Variants in ARSG observed in about 807,000 individuals in gnomAD.
The protein encoded by ARSG is arylsulfatase G.
ARSG carries 37 observed loss-of-function variants against 50.5 expected under a neutral mutation model. That is an observed-to-expected ratio of 0.73 (90% confidence interval 0.56 to 0.96). The LOEUF (loss-of-function observed/expected upper bound fraction) is 0.96. Ranked by LOEUF, ARSG falls within the 50% of genes least tolerant of loss-of-function variation. ARSG has a pLI of 0.00. For missense variants in ARSG, 629 were observed against 675.3 expected (o/e 0.93, Z 0.76); for synonymous variants, 225 against 254.6 (o/e 0.88, Z 1.11).
intron 2 of ARSG, among the ~76,000 whole-genome samples, chr17:68,311,419 A>G (rs1194888227): frequency 1.3e-5 from 2 of 152,034 alleles, no homozygotes; most frequent in Non-Finnish European, 2.9e-5. Flanking sequence ...TCATCTGACC[A>G]CTACATTGGG....
At chr17:68,435,814 A>G in the ARSG span, 15 of 1,058,084 alleles carry the variant, frequency 1.4e-5, no homozygotes, top group African/African-American at 3.1e-5. Flanking sequence ...TCCTTTGTCC[A>G]GCTCCCTGTC....
At position 68,271,394 on chromosome 17, in the gene ARSG, T is replaced by C. The variant is rs1555748663; in HGVS notation, c.-552+11968T>C. 2 of 1,614,254 alleles carry C rather than the reference T, an allele frequency of 1.2e-6. No individual in the cohort carries two copies. The highest frequency in any genetic ancestry group is 3.3e-5 in the Admixed American group (2 of 60,030). ...TCGGCCTTCGGCTCCAGTTCCAGGT[T>C]AGTGTGAGTAGGCACATTTTTAGGT... On this transcript the variant is annotated intron_variant, in intron 1 of 11. Coordinates refer to the ARSG transcript ENST00000448504. This position sits in a 1 kb window ranked among gnomAD's most constrained non-coding sequence, Gnocchi z 5.3.
At chr17:68,450,171 A>C in the ARSG span, among the ~76,000 whole-genome samples, 3 of 151,958 alleles carry the variant, frequency 2.0e-5, no homozygotes, top group African/African-American at 7.3e-5. Flanking sequence ...TACAAAAAAA[A>C]CAAAAAGTCT....
chr17:68,433,419 C>T, the ARSG span: 3 of 1,514,014 alleles, frequency 2.0e-6, no homozygotes, highest in East Asian at 2.3e-5. Context: ...AGAGCCTAGG[C>T]CTGACTCCTT....
downstream of ARSG, among the ~76,000 whole-genome samples, chr17:68,424,217 T>C (rs1309003753): frequency 2.0e-5 from 3 of 152,188 alleles, no homozygotes; most frequent in Non-Finnish European, 4.4e-5. Flanking sequence ...GCCACTGAGA[T>C]ATAAACTTCA....
intron 8 of ARSG, among the ~76,000 whole-genome samples, chr17:68,377,347 CA>C (rs1251078338): frequency 6.6e-6 from 1 of 152,254 alleles, no homozygotes; most frequent in Non-Finnish European, 1.5e-5. Flanking sequence ...ACTCCTCAGC[CA>C]CCTGGAAAAT....
the ARSG span, chr17:68,428,424 G>T: frequency 4.5e-5 from 8 of 179,658 alleles, no homozygotes; most frequent in East Asian, 1.3e-3. Flanking sequence ...GTATAGATGG[G>T]GTTTCACCAT....
At position 68,367,299 on chromosome 17, in the gene ARSG, AG is replaced by A. The variant is rs1386009084; in HGVS notation, c.705-1243del. On this transcript the variant is annotated intron_variant, in intron 6 of 11. Transcript: ENST00000621439. This position sits in a 1 kb window ranked among gnomAD's most constrained non-coding sequence, Gnocchi z 4.5. The stretch of plus-strand genomic sequence containing the variant: ...CGGCAGACCCTGGGAGCCAGGGTGC[AG>A]GGGGGATTTGAGGGCACAGTTGGCT... Among the ~76,000 whole-genome samples the A allele has an allele frequency of 6.6e-6, 1 of 152,174 alleles. No individual in the cohort carries two copies. Among genetic ancestry groups the A allele is most frequent in the African/African-American group, 2.4e-5 (1 of 41,456 alleles).
intron 7 of ARSG, among the ~76,000 whole-genome samples, chr17:68,369,629 ATCTATAC>A (rs1341373452): frequency 6.6e-6 from 1 of 152,116 alleles, no homozygotes; most frequent in Non-Finnish European, 1.5e-5. Context: ...CAGGGTTTGA[ATCTATAC>A]TCTACTATTG....
intron 6 of ARSG, among the ~76,000 whole-genome samples, chr17:68,363,310 G>A (rs9972898): frequency 0.33 from 49,553 of 151,936 alleles, 9,715 homozygotes; most frequent in Non-Finnish European, 0.43. Context: ...ACAGGAAGTA[G>A]GTGAGGTGCT....
exon 1 of ARSG, chr17:68,259,313 C>A (rs1339272539): frequency 7.2e-5 from 11 of 152,196 alleles, no homozygotes; most frequent in African/African-American, 2.7e-4. Flanking sequence ...CGTCAGCGAC[C>A]CAGGGTAACC....
chr17:68,286,424 A>G (rs1213862405), intron 1 of ARSG, among the ~76,000 whole-genome samples: 1 of 152,198 alleles, frequency 6.6e-6, no homozygotes, highest in East Asian at 1.9e-4. Flanking sequence ...CAAGAGGTGA[A>G]GGGACTTGAC....
At chr17:68,439,809 G>A in the ARSG span, among the ~76,000 whole-genome samples, 5 of 152,116 alleles carry the variant, frequency 3.3e-5, no homozygotes, top group African/African-American at 1.2e-4. Context: ...GAAGGCTACC[G>A]TGATATAGAG....
chr17:68,406,822 C>G (rs2081745465), intron 11 of ARSG, among the ~76,000 whole-genome samples: 1 of 152,096 alleles, frequency 6.6e-6, no homozygotes, highest in Admixed American at 6.6e-5. Flanking sequence ...ACTGTGTGGG[C>G]TGTTTACTCT....
intron 2 of ARSG, among the ~76,000 whole-genome samples, chr17:68,341,245 C>CGTTTTTG (rs966256893): frequency 1.2e-4 from 19 of 152,074 alleles, no homozygotes; most frequent in African/African-American, 3.9e-4. Context: ...TTTGTTTCAG[C>CGTTTTTG]GTTTTTTGTT....
Position 68,307,422 on chromosome 17 carries a change from A to G in ARSG, c.-72A>G, listed in dbSNP as rs1599649247. On this transcript the variant is annotated 5_prime_UTR_variant, in exon 2 of 12. Transcript: ENST00000621439. ...CTTCCTGCTTTGAAAGTGAGCAGAA[A>G]GGAAGCTCTCAGAAAAATCTCTAGT... 1.6e-6 allele frequency: 2 copies of G among 1,216,756 alleles called. No individual in the cohort carries two copies. Among genetic ancestry groups the G allele is most frequent in the Non-Finnish European group, 2.4e-6 (2 of 839,638 alleles). The allele number at this position is 1,216,756 out of a possible 1,614,324, so 75.4% of individuals were successfully genotyped here.
chr17:68,343,604 G>A lies in ARSG; in HGVS notation c.219G>A (p.Arg73=). Residue 73 remains arginine, a splice_region_variant and synonymous_variant, in exon 3 of 12, where the codon AGG becomes AGA. Transcript: ENST00000621439. ...NLDKMASEGM[R]FVDFHAAAST... ...CCTGACCACTGTCCTTTCCCTGCAGGTTTGTGGATTTCCATGCAGCTGCCT... is the reference window on the plus strand; with the variant it reads ...CCTGACCACTGTCCTTTCCCTGCAGATTTGTGGATTTCCATGCAGCTGCCT... 1.2e-6 allele frequency: 2 copies of A among 1,606,562 alleles called. No homozygotes were observed. The highest frequency in any genetic ancestry group is 1.7e-6 in the Non-Finnish European group (2 of 1,175,220).
the ARSG span, chr17:68,444,410 G>C: frequency 7.6e-6 from 10 of 1,314,628 alleles, no homozygotes; most frequent in Non-Finnish European, 8.6e-6. Context: ...CTTCACGTTC[G>C]CAATTTGGAG....
chr17:68,426,537 A>G (rs2083207379), downstream of ARSG, among the ~76,000 whole-genome samples: 1 of 152,028 alleles, frequency 6.6e-6, no homozygotes, highest in African/African-American at 2.4e-5. Flanking sequence ...ATTTTAGTTT[A>G]GTTTTTATTT....
Sources: allele counts gnomAD v4.1 joint callset (sites outside exome capture counted in the v4.1 genomes callset), GRCh38; gene constraint gnomAD v4.1.1; non-coding constraint Gnocchi (gnomAD v3.1); transcripts MANE v1.5; gene names NCBI Gene and HGNC (gene_info 2026-07-23, HGNC 2026-07-21).